TNKS: variants seen among roughly 807,000 people sequenced by gnomAD.
TNKS encodes poly [ADP-ribose] polymerase tankyrase-1.
A neutral mutation model predicts 135.8 loss-of-function variants in TNKS; 72 were observed. That is an observed-to-expected ratio of 0.53 (90% confidence interval 0.44 to 0.64). The LOEUF (loss-of-function observed/expected upper bound fraction) is 0.64. Among genes scored for constraint, TNKS ranks in the 30% least tolerant of loss-of-function variants. TNKS has a pLI of 0.00. For synonymous variants in TNKS, 849 were observed against 649.3 expected, an observed-to-expected ratio of 1.31 and a Z score of -4.68; for missense variants, 1,769 against 1,674.0, an observed-to-expected ratio of 1.06 and a Z score of -0.99.
chr8:9,697,618 T>C (rs1803579234), intron 5 of TNKS, among the ~76,000 whole-genome samples: 1 of 152,050 alleles, frequency 6.6e-6, no homozygotes, highest in African/African-American at 2.4e-5. Context: ...CATCAAAAAG[T>C]AGGCAAAGGA....
rs755828596 is a variant in TNKS at position 9,776,777 on chromosome 8, G to C, written c.*41G>C. ...GAAGGCCAGATCAGATTTCAACCTGGGACTGGATTACAGAGGATTGTTTCT... is the reference window on the plus strand; with the variant it reads ...GAAGGCCAGATCAGATTTCAACCTGCGACTGGATTACAGAGGATTGTTTCT... On this transcript the variant is annotated 3_prime_UTR_variant, in exon 27 of 27. Coordinates refer to ENST00000310430, the MANE Select transcript of TNKS (RefSeq NM_003747.3). 1.3e-6 allele frequency: 2 copies of C among 1,567,832 alleles called. No individual in the cohort carries two copies. The highest frequency in any genetic ancestry group is 1.4e-5 in the African/African-American group (1 of 73,850).
At position 9,592,378 on chromosome 8, in the gene TNKS, C is replaced by G. The variant is rs367842984; in HGVS notation, c.898+11995C>G. The stretch of plus-strand genomic sequence containing the variant: ...ATCTTACTGGCTTTAGTAGAATTCT[C>G]ATACTTTTCATATTCCCGGTATTAG... On this transcript the variant is annotated intron_variant, in intron 2 of 26. Transcript: ENST00000310430. Among the ~76,000 whole-genome samples the G allele has an allele frequency of 9.9e-5, 15 of 152,138 alleles. No individual in the cohort carries two copies. The East Asian group carries it at 1.5e-3, about 16-fold the overall frequency.
At chr8:9,641,261 T>C (rs1248242697) in intron 3 of TNKS, among the ~76,000 whole-genome samples, 2 of 145,102 alleles carry the variant, frequency 1.4e-5, no homozygotes, top group South Asian at 2.2e-4. Flanking sequence ...ACTTTTTATA[T>C]ATGCATATGC....
At position 9,691,972 on chromosome 8, in the gene TNKS, C is replaced by G. The variant is rs191312528; in HGVS notation, c.1107+11172C>G. ...TATTGTTGTTCATTTTACAGCATCT[C>G]AGATATAAAAAATTTGGTTGCATCC... is the stretch of plus-strand genomic sequence containing the variant. On this transcript the variant is annotated intron_variant, in intron 5 of 26. Coordinates refer to ENST00000310430, the MANE Select transcript of TNKS (RefSeq NM_003747.3). Among the ~76,000 whole-genome samples, 9 of 152,274 alleles carry G rather than the reference C, an allele frequency of 5.9e-5. No homozygotes were observed. The East Asian group carries it at 1.7e-3, about 29-fold the overall frequency.
chr8:9,726,860 C>G (rs1805188336), intron 13 of TNKS, 140 bp downstream of exon 13: 5 of 677,516 alleles, frequency 7.4e-6, no homozygotes, highest in Non-Finnish European at 2.5e-6. Context: ...ATCTGTACTA[C>G]TATTAAGGAA....
At chr8:9,630,105 C>T (rs1214888796) in intron 3 of TNKS, among the ~76,000 whole-genome samples, 3 of 152,182 alleles carry the variant, frequency 2.0e-5, no homozygotes, top group African/African-American at 7.2e-5. Context: ...TCCCGTGTCT[C>T]CCACTGTCTG....
intron 3 of TNKS, among the ~76,000 whole-genome samples, chr8:9,647,106 A>G (rs1420119714): frequency 2.0e-5 from 3 of 151,608 alleles, no homozygotes; most frequent in South Asian, 2.1e-4. Context: ...TCCAGAAAAA[A>G]CCTCCAGCTT....
chr8:9,666,438 G>A (rs1350046338), intron 3 of TNKS, among the ~76,000 whole-genome samples: 1 of 152,130 alleles, frequency 6.6e-6, no homozygotes, highest in African/African-American at 2.4e-5. Flanking sequence ...AGTAAAATAT[G>A]GCTGGGTGTG....
At chr8:9,629,143 T>A (rs577865169) in intron 3 of TNKS, among the ~76,000 whole-genome samples, 2 of 152,372 alleles carry the variant, frequency 1.3e-5, no homozygotes, top group African/African-American at 4.8e-5. Flanking sequence ...GTTTCTGGCC[T>A]GCAATGAGGT....
At chr8:9,725,022 G>C (rs1361135107) in intron 12 of TNKS, among the ~76,000 whole-genome samples, 2 of 152,160 alleles carry the variant, frequency 1.3e-5, no homozygotes, top group Admixed American at 6.5e-5. Context: ...AATATTACCT[G>C]TAGATATTGA....
chr8:9,638,924 A>G lies in TNKS; in HGVS notation c.994+23247A>G, dbSNP rs118184864. On this transcript the variant is annotated intron_variant, in intron 3 of 26. Transcript: ENST00000310430. ...GCAAAAGAACCTAAAAGAGTGAATG[A>G]TTCCAAGAACTTTCTATACCTTAAT... 4.4e-3 allele frequency among the ~76,000 whole-genome samples: 677 copies of G among 152,310 alleles called. 2 individuals carry two copies. Among genetic ancestry groups the G allele is most frequent in the Non-Finnish European group, 7.3e-3 (493 of 67,994 alleles).
chr8:9,640,173 G>T (rs1037371946), intron 3 of TNKS, among the ~76,000 whole-genome samples: 1 of 152,148 alleles, frequency 6.6e-6, no homozygotes, highest in Non-Finnish European at 1.5e-5. Context: ...CATAGACTGG[G>T]TGATTTATAA....
chr8:9,596,711 C>T (rs779113984), intron 2 of TNKS, among the ~76,000 whole-genome samples: 1 of 152,182 alleles, frequency 6.6e-6, no homozygotes, highest in Non-Finnish European at 1.5e-5. Flanking sequence ...ACTTTTGTGT[C>T]AAGCCTGAAA....
intron 1 of TNKS, among the ~76,000 whole-genome samples, chr8:9,561,860 A>C (rs4841172): frequency 0.14 from 21,201 of 152,144 alleles, 1,696 homozygotes; most frequent in Admixed American, 0.24. Context: ...CTTGTTGCCC[A>C]GGCTGTCGTA....
intron 3 of TNKS, among the ~76,000 whole-genome samples, chr8:9,642,043 A>G (rs2128776922): frequency 6.8e-6 from 1 of 146,454 alleles, no homozygotes; most frequent in South Asian, 2.2e-4. Flanking sequence ...AGCTTGATGT[A>G]GAAGTGTTTG....
At chr8:9,680,879 C>T (rs928188889) in intron 5 of TNKS, 79 bp downstream of exon 5, 82 of 993,652 alleles carry the variant, frequency 8.3e-5, no homozygotes, top group Middle Eastern at 4.2e-4. Flanking sequence ...TATATAAGCA[C>T]GTATACCTAC....
At chr8:9,588,334 G>T (rs1344193639) in intron 2 of TNKS, among the ~76,000 whole-genome samples, 1 of 152,020 alleles carries the variant, frequency 6.6e-6, no homozygotes, top group African/African-American at 2.4e-5. Flanking sequence ...GAGTACAATG[G>T]CGGGATCTAG....
At chr8:9,729,143 G>A (rs1353789197) in intron 13 of TNKS, among the ~76,000 whole-genome samples, 1 of 152,130 alleles carries the variant, frequency 6.6e-6, no homozygotes, top group Non-Finnish European at 1.5e-5. Context: ...AGGCGGAAGG[G>A]CAAAACGGCC....
chr8:9,768,069 G>C (rs1807574991), intron 25 of TNKS, among the ~76,000 whole-genome samples: 2 of 151,820 alleles, frequency 1.3e-5, no homozygotes, highest in Non-Finnish European at 2.9e-5. Context: ...TTCCTCTGGA[G>C]ACAAAAATGA....
Sources: allele counts gnomAD v4.1 joint callset (sites outside exome capture counted in the v4.1 genomes callset), GRCh38; gene constraint gnomAD v4.1.1; transcripts MANE v1.5; gene names NCBI Gene and HGNC (gene_info 2026-07-23, HGNC 2026-07-21).